SLC12A6: variants seen among roughly 807,000 people sequenced by gnomAD.
The protein encoded by SLC12A6 is K-Cl cotransporter 3.
Under a neutral mutation model 135.3 loss-of-function variants are expected in SLC12A6, and 66 were observed. The ratio of observed to expected loss-of-function variants is 0.49; its 90% confidence interval spans 0.40 to 0.60. SLC12A6 has a LOEUF of 0.60. Among genes scored for constraint, SLC12A6 ranks in the 20% least tolerant of loss-of-function variants. The probability of loss-of-function intolerance (pLI) is 0.00; values close to 1 mark genes in which losing one functional copy is unlikely to be tolerated. For synonymous variants in SLC12A6, 513 were observed against 508.8 expected, an observed-to-expected ratio of 1.01 and a Z score of -0.11; for missense variants, 1,058 against 1,452.3, an observed-to-expected ratio of 0.73 and a Z score of 4.41.
intron 2 of SLC12A6, among the ~76,000 whole-genome samples, chr15:34,301,716 G>A (rs1412817090): frequency 3.3e-5 from 5 of 150,910 alleles, no homozygotes; most frequent in African/African-American, 4.9e-5. Flanking sequence ...AAGGCTGGGC[G>A]TGGTGGCTCA....
intron 2 of SLC12A6, among the ~76,000 whole-genome samples, chr15:34,305,066 T>C (rs779310199): frequency 6.6e-6 from 1 of 152,224 alleles, no homozygotes; most frequent in Non-Finnish European, 1.5e-5. Flanking sequence ...TAAATACTCT[T>C]CTACCATCTC....
rs1222857854 is a variant in SLC12A6 at position 34,250,323 on chromosome 15, T to C, written c.1624A>G (p.Ile542Val). ...TTGTCTCTGAGAACAACCCCTTCAA[T>C]ACATGCACCAAAAAGGACAACATTG... is the stretch of plus-strand genomic sequence containing the variant. ...LSNVVLFGAC[I>V]EGVVLRDKFG... The change falls in exon 13 of 26, where the codon ATT (isoleucine) becomes GTT (valine). Residue 542 changes from isoleucine (I) to valine (V), a missense_variant. Around this residue, in one of 6 missense-constraint regions of SLC12A6, gnomAD observed 297 missense variants for 318.5 expected, o/e 0.93. Transcript: ENST00000354181. 8 of 1,592,138 alleles carry C rather than the reference T, an allele frequency of 5.0e-6. No individual in the cohort carries two copies. Among genetic ancestry groups the C allele is most frequent in the Non-Finnish European group, 6.9e-6 (8 of 1,159,884 alleles).
At chr15:34,287,923 T>A (rs945009383) in intron 2 of SLC12A6, among the ~76,000 whole-genome samples, 58 of 152,246 alleles carry the variant, frequency 3.8e-4, no homozygotes, top group African/African-American at 1.4e-3. Context: ...TCCCGTTCTG[T>A]AGGTTGCCTG....
At chr15:34,307,713 T>A (rs1323933596) in intron 2 of SLC12A6, among the ~76,000 whole-genome samples, 8 of 152,100 alleles carry the variant, frequency 5.3e-5, no homozygotes, top group Non-Finnish European at 1.0e-4. Flanking sequence ...TGAAACTGAA[T>A]GTGGGTATAT....
intron 2 of SLC12A6, among the ~76,000 whole-genome samples, chr15:34,309,963 T>C (rs1295199476): frequency 2.6e-5 from 4 of 152,184 alleles, no homozygotes; most frequent in Non-Finnish European, 2.9e-5. Context: ...TTTAGTTGTC[T>C]ATTTCAATCT....
At chr15:34,298,611 G>A (rs770896792) in intron 2 of SLC12A6, among the ~76,000 whole-genome samples, 3 of 150,880 alleles carry the variant, frequency 2.0e-5, no homozygotes, top group Non-Finnish European at 4.4e-5. Flanking sequence ...GGAAATGGAG[G>A]AGAGACATTC....
At chr15:34,259,290 G>A (rs192406286) in intron 4 of SLC12A6, among the ~76,000 whole-genome samples, 5 of 151,420 alleles carry the variant, frequency 3.3e-5, no homozygotes, top group Non-Finnish European at 7.4e-5. Context: ...GCAGTGAGCC[G>A]AGATCGCGCC....
At chr15:34,333,798 C>CT (rs1226353989) in intron 2 of SLC12A6, among the ~76,000 whole-genome samples, 1 of 152,080 alleles carries the variant, frequency 6.6e-6, no homozygotes, top group Non-Finnish European at 1.5e-5. Flanking sequence ...GGGCTGGGCG[C>CT]TGTGGCTCAC....
Position 34,247,169 on chromosome 15 carries a change from T to C in SLC12A6, c.1650-1302A>G, listed in dbSNP as rs377697426. ...CACTTCTAATTTGATGGGTGAAACA[T>C]AGCATCAGTTTAATTACTCGTTTTA... is the stretch of plus-strand genomic sequence containing the variant. On this transcript the variant is annotated intron_variant, in intron 13 of 25. Coordinates refer to ENST00000354181, the MANE Select transcript of SLC12A6 (RefSeq NM_001365088.1). Among the ~76,000 whole-genome samples, 13 of 152,324 alleles carry C rather than the reference T, an allele frequency of 8.5e-5. 1 individual carries two copies. The highest frequency in any genetic ancestry group is 2.6e-4 in the Admixed American group (4 of 15,300).
chr15:34,260,137 A>C (rs989221143), intron 4 of SLC12A6, among the ~76,000 whole-genome samples: 29 of 152,374 alleles, frequency 1.9e-4, no homozygotes, highest in Admixed American at 1.4e-3. Flanking sequence ...AATTAGCTTG[A>C]TTTAATCATT....
chr15:34,263,962 A>C (rs2140807181), intron 3 of SLC12A6, among the ~76,000 whole-genome samples: 1 of 152,290 alleles, frequency 6.6e-6, no homozygotes, highest in African/African-American at 2.4e-5. Context: ...TTGCGGGGTT[A>C]AGGAAACAAC....
At position 34,265,689 on chromosome 15, in the gene SLC12A6, G is replaced by T. The variant is rs953835906; in HGVS notation, c.317-4669C>A. 1.4e-4 allele frequency among the ~76,000 whole-genome samples: 21 copies of T among 152,330 alleles called. No individual in the cohort carries two copies. In the East Asian group the frequency reaches 3.9e-3, roughly 28 times the overall value. On this transcript the variant is annotated intron_variant, in intron 3 of 25. Transcript: ENST00000354181. Reference sequence around the variant, plus strand: ...GACAATGAACCTGGTTTTGGGAAGAGATTTGCATTAACTGGCTCTTGTGAG... The same window carrying T: ...GACAATGAACCTGGTTTTGGGAAGATATTTGCATTAACTGGCTCTTGTGAG...
At position 34,230,480 on chromosome 15, in the gene SLC12A6, T is replaced by C. The variant is rs907913403; in HGVS notation, c.*3401A>G. The C allele has an allele frequency of 4.6e-5, 7 of 152,590 alleles. No individual in the cohort carries two copies. Among genetic ancestry groups the C allele is most frequent in the African/African-American group, 1.7e-4 (7 of 41,450 alleles). 9.5% of individuals were successfully genotyped at this position (152,590 alleles called of 1,614,324 possible). ...CCCCCTGCCGAAGGAACCTGGCACC[T>C]GTCAAGCAGATGCTGCAGTTCAAAC... On this transcript the variant is annotated 3_prime_UTR_variant, in exon 26 of 26. Transcript: ENST00000354181.
At chr15:34,250,462 C>G in intron 12 of SLC12A6, 107 bp from the exon 13 acceptor site, 1 of 871,566 alleles carries the variant, frequency 1.1e-6, no homozygotes, top group Non-Finnish European at 2.0e-6. Context: ...CTGCTAAATA[C>G]TCCTATAAAT....
chr15:34,277,640 ACCTTGGTCAT>A (rs1439324671), intron 2 of SLC12A6, among the ~76,000 whole-genome samples: 2 of 152,114 alleles, frequency 1.3e-5, no homozygotes, highest in Admixed American at 6.6e-5. Context: ...AACTAGAAGA[ACCTTGGTCAT>A]CATCTAAACC....
At chr15:34,274,226 A>G (rs1338775568) in intron 3 of SLC12A6, among the ~76,000 whole-genome samples, 1 of 152,222 alleles carries the variant, frequency 6.6e-6, no homozygotes, top group Non-Finnish European at 1.5e-5. Flanking sequence ...TGTCCAAGGT[A>G]AAATGTTAAG....
intron 2 of SLC12A6, among the ~76,000 whole-genome samples, chr15:34,287,823 T>C (rs1188528750): frequency 6.6e-6 from 1 of 152,106 alleles, no homozygotes; most frequent in Non-Finnish European, 1.5e-5. Flanking sequence ...TTTGATGGGG[T>C]TGTTTGCTTT....
intron 2 of SLC12A6, among the ~76,000 whole-genome samples, chr15:34,334,137 A>G (rs1198714337): frequency 6.6e-6 from 1 of 152,142 alleles, no homozygotes; most frequent in Non-Finnish European, 1.5e-5. Flanking sequence ...TGTGAGTAGA[A>G]GACATATGAC....
intron 2 of SLC12A6, among the ~76,000 whole-genome samples, chr15:34,320,712 C>A (rs1433353700): frequency 6.6e-6 from 1 of 151,046 alleles, no homozygotes; most frequent in East Asian, 1.9e-4. Context: ...GTCAGGAGAT[C>A]AAGACCAACC....
Sources: allele counts gnomAD v4.1 joint callset (sites outside exome capture counted in the v4.1 genomes callset), GRCh38; gene constraint gnomAD v4.1.1; regional missense constraint gnomAD v4.1.1; transcripts MANE v1.5; gene names NCBI Gene and HGNC (gene_info 2026-07-23, HGNC 2026-07-21).